PCCA: variants seen among roughly 807,000 people sequenced by gnomAD.
The protein encoded by PCCA is propionyl-CoA carboxylase subunit alpha.
PCCA carries 74 observed loss-of-function variants against 101.3 expected under a neutral mutation model. The ratio of observed to expected loss-of-function variants is 0.73; its 90% CI spans 0.61 to 0.89. The LOEUF (loss-of-function observed/expected upper bound fraction) is 0.89, where lower values mean the gene tolerates loss of function less well. Ranked by LOEUF, PCCA falls within the 40% of genes least tolerant of loss-of-function variation. The pLI is 0.00. For missense variants in PCCA, 891 were observed against 907.0 expected, an observed-to-expected ratio of 0.98 and a Z score of 0.23; for synonymous variants, 294 against 313.6, an observed-to-expected ratio of 0.94 and a Z score of 0.66.
chr13:100,323,002 T>G (rs1244438353), intron 16 of PCCA, among the ~76,000 whole-genome samples: 1 of 152,242 alleles, frequency 6.6e-6, no homozygotes, highest in Non-Finnish European at 1.5e-5. Flanking sequence ...ATCTAATGGC[T>G]GCATGAGTAA....
intron 7 of PCCA, among the ~76,000 whole-genome samples, chr13:100,225,118 A>G (rs1470314969): frequency 6.6e-6 from 1 of 152,230 alleles, no homozygotes; most frequent in Admixed American, 6.5e-5. Context: ...AAGTTGGTAG[A>G]CAAATTAGGA....
chr13:100,492,270 G>C (rs2084959847), intron 21 of PCCA, among the ~76,000 whole-genome samples: 1 of 152,078 alleles, frequency 6.6e-6, no homozygotes, highest in Non-Finnish European at 1.5e-5. Context: ...GAGTAGCTGG[G>C]ACTACAGGTG....
chr13:100,340,345 G>A lies in PCCA; in HGVS notation c.1643+86G>A, dbSNP rs144232471. ...ATAGGAAATACTAATAAAAGATGTG[G>A]CTGATCTCAGTTCTAGAGATCTTAT... On this transcript the variant is annotated intron_variant, in intron 18 of 23. Transcript: ENST00000376285. 1.1e-3 allele frequency: 829 copies of A among 776,832 alleles called. 6 individuals are homozygous for A. The African/African-American group carries it at 0.013, about 12-fold the overall frequency. 48.1% of individuals were successfully genotyped at this position (776,832 alleles called of 1,614,324 possible). A position where few individuals can be genotyped will look rare whatever the true frequency, so the allele number is the denominator to read the frequency against.
At chr13:100,118,974 C>CT (rs998880638) in intron 4 of PCCA, among the ~76,000 whole-genome samples, 6 of 151,190 alleles carry the variant, frequency 4.0e-5, no homozygotes, top group South Asian at 2.1e-4. Context: ...GGTACATTTT[C>CT]TTTTTTTTTA....
intron 12 of PCCA, among the ~76,000 whole-genome samples, chr13:100,278,541 G>A (rs537855131): frequency 6.6e-6 from 1 of 151,766 alleles, no homozygotes; most frequent in African/African-American, 2.4e-5. Context: ...GGGTGCAGTG[G>A]CGTGATCTCG....
intron 2 of PCCA, among the ~76,000 whole-genome samples, chr13:100,109,029 G>T (rs1291811260): frequency 1.3e-5 from 2 of 152,122 alleles, no homozygotes; most frequent in Admixed American, 6.6e-5. Context: ...TCAGGTGCAG[G>T]TATTTGTTTT....
At chr13:100,402,258 T>A (rs1275544624) in intron 19 of PCCA, among the ~76,000 whole-genome samples, 1 of 152,060 alleles carries the variant, frequency 6.6e-6, no homozygotes, top group Admixed American at 6.6e-5. Context: ...TTTTTGTTTT[T>A]TGTTTTTTTT....
chr13:100,221,694 G>C (rs1401553334), intron 7 of PCCA, among the ~76,000 whole-genome samples: 6 of 151,320 alleles, frequency 4.0e-5, no homozygotes, highest in Non-Finnish European at 5.9e-5. Context: ...ATAGTTTCCA[G>C]ATAAGCATTT....
chr13:100,241,237 A>G (rs1344523614), intron 8 of PCCA, among the ~76,000 whole-genome samples: 1 of 152,122 alleles, frequency 6.6e-6, no homozygotes, highest in Non-Finnish European at 1.5e-5. Flanking sequence ...ACTCATTAGT[A>G]TGTACTTCTT....
At chr13:100,318,766 A>G (rs1267623952) in intron 16 of PCCA, among the ~76,000 whole-genome samples, 1 of 152,060 alleles carries the variant, frequency 6.6e-6, no homozygotes, top group African/African-American at 2.4e-5. Context: ...AGTCTTTGCT[A>G]TTGTGAATAG....
intron 19 of PCCA, among the ~76,000 whole-genome samples, chr13:100,417,525 A>C (rs1391101611): frequency 6.6e-6 from 1 of 152,142 alleles, no homozygotes; most frequent in Non-Finnish European, 1.5e-5. Flanking sequence ...GGAGATATGG[A>C]AGATGTATGT....
chr13:100,503,429 G>T (rs2085830669), intron 21 of PCCA, among the ~76,000 whole-genome samples: 1 of 152,230 alleles, frequency 6.6e-6, no homozygotes, highest in South Asian at 2.1e-4. Context: ...GGTGGAGGTT[G>T]TGGTGAGCCG....
chr13:100,527,776 C>G (rs751317456), intron 23 of PCCA, 24 bp downstream of exon 23: 1 of 1,544,964 alleles, frequency 6.5e-7, no homozygotes. Context: ...TCCCCATCAG[C>G]CCAGGCCGGC....
At chr13:100,511,750 G>A (rs1407280082) in intron 21 of PCCA, among the ~76,000 whole-genome samples, 1 of 152,238 alleles carries the variant, frequency 6.6e-6, no homozygotes, top group Non-Finnish European at 1.5e-5. Context: ...AACTGCAAGC[G>A]CTCACCTCGG....
At position 100,243,315 on chromosome 13, in the gene PCCA, A is replaced by G. The variant is rs748987846; in HGVS notation, c.637+7437A>G. On this transcript the variant is annotated intron_variant, in intron 8 of 23. Transcript: ENST00000376285. ...TATTTGGTGAATAAATCAAAATGAA[A>G]TATGTATATATATGTATAGAAATGA... is the stretch of plus-strand genomic sequence containing the variant. 1.3e-3 allele frequency among the ~76,000 whole-genome samples: 201 copies of G among 152,328 alleles called. 1 individual carries two copies. The highest frequency in any genetic ancestry group is 2.1e-3 in the Non-Finnish European group (146 of 68,022).
intron 10 of PCCA, among the ~76,000 whole-genome samples, chr13:100,266,112 G>A (rs1310490767): frequency 6.6e-6 from 1 of 152,152 alleles, no homozygotes; most frequent in Non-Finnish European, 1.5e-5. Flanking sequence ...GTCCTTCACT[G>A]TATTCCCCAT....
intron 7 of PCCA, among the ~76,000 whole-genome samples, chr13:100,234,073 TAA>T (rs1397645361): frequency 6.6e-6 from 1 of 152,248 alleles, no homozygotes; most frequent in Non-Finnish European, 1.5e-5. Context: ...AAAGAAATGT[TAA>T]AAGTTTTCTT....
chr13:100,318,978 A>G (rs1157468734), intron 16 of PCCA, among the ~76,000 whole-genome samples: 1 of 152,118 alleles, frequency 6.6e-6, no homozygotes, highest in Non-Finnish European at 1.5e-5. Flanking sequence ...CTATTTCTCC[A>G]CATCCTCTCC....
chr13:100,427,207 ACT>A (rs956237962), intron 20 of PCCA, among the ~76,000 whole-genome samples: 8 of 152,270 alleles, frequency 5.3e-5, no homozygotes, highest in African/African-American at 1.9e-4. Context: ...ACAGAACAAG[ACT>A]CTGTCTCCAA....
Sources: allele counts gnomAD v4.1 joint callset (sites outside exome capture counted in the v4.1 genomes callset), GRCh38; gene constraint gnomAD v4.1.1; transcripts MANE v1.5; gene names NCBI Gene and HGNC (gene_info 2026-07-23, HGNC 2026-07-21).